MAPK10: variants seen among roughly 807,000 people sequenced by gnomAD.
MAPK10 encodes mitogen-activated protein kinase 10.
A neutral mutation model predicts 59.3 loss-of-function variants in MAPK10; 25 were observed. That is an observed-to-expected ratio of 0.42 (90% CI 0.31 to 0.59). The LOEUF is 0.59. MAPK10 is among the 20% of genes least tolerant of loss of function. The pLI, the probability that MAPK10 is intolerant of heterozygous loss-of-function variation, is 0.15. For synonymous variants in MAPK10, 190 were observed against 200.5 expected, an observed-to-expected ratio of 0.95 and a Z score of 0.44; for missense variants, 351 against 568.9, an observed-to-expected ratio of 0.62 and a Z score of 3.90.
chr4:86,256,048 G>A (rs914133447), intron 2 of MAPK10, among the ~76,000 whole-genome samples: 1 of 152,216 alleles, frequency 6.6e-6, no homozygotes, highest in African/African-American at 2.4e-5. Flanking sequence ...ATTACTGAAT[G>A]AAGCAATTAC....
intron 1 of MAPK10, among the ~76,000 whole-genome samples, chr4:86,379,323 C>T (rs1443536407): frequency 6.6e-6 from 1 of 152,142 alleles, no homozygotes; most frequent in African/African-American, 2.4e-5. Context: ...TGAATAATGC[C>T]TAAAAGGGAA....
At chr4:86,035,734 C>T (rs143783476) in intron 11 of MAPK10, among the ~76,000 whole-genome samples, 8 of 152,140 alleles carry the variant, frequency 5.3e-5, no homozygotes, top group Non-Finnish European at 8.8e-5. Flanking sequence ...GGAAGATGAT[C>T]GTGTTGGTGA....
At chr4:86,164,482 TATA>T (rs2070947652) in intron 3 of MAPK10, 3 of 152,098 alleles carry the variant, frequency 2.0e-5, no homozygotes, top group Non-Finnish European at 2.9e-5. Context: ...TCATAAAATA[TATA>T]ATACCAATTC....
intron 2 of MAPK10, among the ~76,000 whole-genome samples, chr4:86,195,530 G>A (rs536801436): frequency 1.8e-4 from 27 of 152,244 alleles, no homozygotes; most frequent in African/African-American, 5.8e-4. Flanking sequence ...GTCACAGGCC[G>A]TCTGCTGATG....
intron 1 of MAPK10, among the ~76,000 whole-genome samples, chr4:86,514,575 A>G (rs1756518263): frequency 6.6e-6 from 1 of 152,094 alleles, no homozygotes; most frequent in Non-Finnish European, 1.5e-5. Flanking sequence ...ATACACCTCT[A>G]CTCAAGTTTA....
chr4:86,137,132 A>C (rs566550158), intron 4 of MAPK10, among the ~76,000 whole-genome samples: 1 of 150,928 alleles, frequency 6.6e-6, no homozygotes, highest in African/African-American at 2.5e-5. Context: ...TCAACGAGAC[A>C]GAAGGTCAAC....
chr4:86,019,709 T>C (rs962152944), intron 13 of MAPK10, among the ~76,000 whole-genome samples: 1 of 152,188 alleles, frequency 6.6e-6, no homozygotes, highest in Admixed American at 6.5e-5. Flanking sequence ...TTCTCTTCCA[T>C]TTATCCACAC....
intron 1 of MAPK10, chr4:86,542,501 A>G (rs1758789921): frequency 6.5e-6 from 1 of 153,870 alleles, no homozygotes; most frequent in African/African-American, 2.4e-5. Context: ...TAAGGCCAAG[A>G]ATTCAAGGCT....
chr4:86,227,414 G>A (rs2090822766), intron 2 of MAPK10, among the ~76,000 whole-genome samples: 3 of 151,432 alleles, frequency 2.0e-5, no homozygotes, highest in Admixed American at 2.0e-4. Flanking sequence ...GTGAACCCGG[G>A]AGGTGGAGCT....
At chr4:86,525,441 G>A (rs1335204272) in intron 1 of MAPK10, among the ~76,000 whole-genome samples, 3 of 152,226 alleles carry the variant, frequency 2.0e-5, no homozygotes, top group South Asian at 2.1e-4. Flanking sequence ...TAAGGCCAGC[G>A]AAAACTTTTT....
intron 1 of MAPK10, chr4:86,358,528 A>C (rs1348161940): frequency 1.5e-5 from 3 of 206,116 alleles, no homozygotes; most frequent in Non-Finnish European, 2.6e-5. Context: ...CAGCCCATGT[A>C]AACAACCTTG....
intron 3 of MAPK10, among the ~76,000 whole-genome samples, chr4:86,171,967 G>C (rs528883391): frequency 2.0e-5 from 3 of 149,702 alleles, no homozygotes; most frequent in Middle Eastern, 3.4e-3. Flanking sequence ...AAAGACACAT[G>C]AAAAAATGCT....
At chr4:86,051,802 T>C (rs1164525065) in intron 11 of MAPK10, among the ~76,000 whole-genome samples, 13 of 152,192 alleles carry the variant, frequency 8.5e-5, no homozygotes, top group African/African-American at 3.1e-4. Flanking sequence ...TCGTCTCAAC[T>C]TTTTGTTGCA....
chr4:86,359,263 C>CTCTCTCTCT (rs1554248207), intron 1 of MAPK10, among the ~76,000 whole-genome samples: 10 of 53,462 alleles, frequency 1.9e-4, no homozygotes, highest in East Asian at 7.0e-4. Context: ...TTTTTTTTTT[C>CTCTCTCTCT]CTCTCTCTCT....
rs187094918 is a variant in MAPK10, at chr4:86,561,772, G to A, written c.-263+32138C>T. Among the ~76,000 whole-genome samples, 17 of 152,336 alleles carry A rather than the reference G, an allele frequency of 1.1e-4. No individual in the cohort carries two copies. In the East Asian group the frequency reaches 3.1e-3, roughly 28 times the overall value. ...ACTTTTCTATGTCAAGCAATGTACA[G>A]TGTATTGGGGAGACAAGAAGCAGAC... On this transcript the variant is annotated intron_variant, in intron 1 of 4. Transcript: ENST00000502302.
intron 1 of MAPK10, among the ~76,000 whole-genome samples, chr4:86,462,260 C>T (rs975573606): frequency 6.6e-6 from 1 of 152,160 alleles, no homozygotes; most frequent in East Asian, 1.9e-4. Flanking sequence ...GGTACAAGTA[C>T]AAAGAGGAGT....
In MAPK10 at chr4:86,159,434, C is replaced by T; in HGVS notation, c.100G>A (p.Ala34Thr). 1 of 1,611,186 alleles carries T rather than the reference C, an allele frequency of 6.2e-7. No homozygotes were observed. Among genetic ancestry groups the T allele is most frequent in the South Asian group, 1.1e-5 (1 of 90,764 alleles). ...FDKQVDVSYIAKHYNMSKSKV... is the reference protein window; with the variant it reads ...FDKQVDVSYITKHYNMSKSKV... ...CTTTTGCTCATGTTGTAATGTTTGG[C>T]AATATATGACACATCCACTTGTTTA... Residue 34 changes from alanine (A) to threonine (T), a missense_variant, in exon 4 of 14, where the codon GCC becomes ACC. Coordinates refer to ENST00000641462, the MANE Select transcript of MAPK10 (RefSeq NM_138982.4).
At chr4:86,238,687 C>T (rs2092475977) in intron 2 of MAPK10, among the ~76,000 whole-genome samples, 2 of 152,228 alleles carry the variant, frequency 1.3e-5, no homozygotes, top group South Asian at 2.1e-4. Flanking sequence ...GATTTTTGCA[C>T]ATTGATTTTG....
chr4:86,245,634 C>T (rs1199397913), intron 2 of MAPK10, among the ~76,000 whole-genome samples: 1 of 152,084 alleles, frequency 6.6e-6, no homozygotes, highest in African/African-American at 2.4e-5. Flanking sequence ...GTGGCAGGCC[C>T]ACAGTGCCAA....
Sources: allele counts gnomAD v4.1 joint callset (sites outside exome capture counted in the v4.1 genomes callset), GRCh38; gene constraint gnomAD v4.1.1; transcripts MANE v1.5; gene names NCBI Gene and HGNC (gene_info 2026-07-23, HGNC 2026-07-21).